CEP126: variants seen among roughly 807,000 people sequenced by gnomAD.
CEP126 encodes the protein centrosomal protein of 126 kDa.
A neutral mutation model predicts 107.8 loss-of-function variants in CEP126; 74 were observed. That is an observed-to-expected ratio of 0.69 (90% CI 0.57 to 0.83). CEP126 has a LOEUF of 0.83. Among genes scored for constraint, CEP126 ranks in the 40% least tolerant of loss-of-function variants. The pLI is 0.00. For missense variants in CEP126, 1,237 were observed against 1,281.9 expected (o/e 0.96, Z 0.53); for synonymous variants, 449 against 446.0 (o/e 1.01, Z -0.08).
At chr11:101,959,396 G>T (rs929082414) in intron 5 of CEP126, among the ~76,000 whole-genome samples, 4 of 151,916 alleles carry the variant, frequency 2.6e-5, no homozygotes, top group African/African-American at 9.7e-5. Context: ...CCCATGATCC[G>T]CCCGCCTCAG....
chr11:101,998,592 C>CAAAAAAAAAAAAAAAA lies in CEP126; in HGVS notation c.*952_*967dup, dbSNP rs10641795. 7.0e-5 allele frequency: 4 copies of CAAAAAAAAAAAAAAAA among 57,432 alleles called. No individual in the cohort carries two copies. The highest frequency in any genetic ancestry group is 8.4e-5 in the Non-Finnish European group (3 of 35,580). 3.6% of individuals were successfully genotyped at this position (57,432 alleles called of 1,614,324 possible). ...TGGGTGACAGTGTGAGACCCAGCCTCAAAAAAAAAAAAAAAAAAGTGATGA... is the reference window on the plus strand; with the variant it reads ...TGGGTGACAGTGTGAGACCCAGCCTCAAAAAAAAAAAAAAAAAAAAAAAAAAAAAAAAAAGTGATGA... On this transcript the variant is annotated 3_prime_UTR_variant, in exon 11 of 11. Transcript: ENST00000263468.
At chr11:101,955,719 A>G (rs1481883341) in intron 4 of CEP126, 1 of 364,818 alleles carries the variant, frequency 2.7e-6, no homozygotes, top group Admixed American at 3.7e-5. Context: ...AGGCAGCCCA[A>G]TAAACCAAAA....
At chr11:101,973,665 A>AT (rs1194491024) in intron 6 of CEP126, among the ~76,000 whole-genome samples, 1 of 152,092 alleles carries the variant, frequency 6.6e-6, no homozygotes, top group East Asian at 1.9e-4. Flanking sequence ...AAAACTTAAA[A>AT]TTTTTTTTAA....
At chr11:101,922,881 T>C (rs1565348741) in intron 2 of CEP126, 121 bp downstream of exon 2, 8 of 766,104 alleles carry the variant, frequency 1.0e-5, no homozygotes, top group Non-Finnish European at 1.6e-5. Flanking sequence ...GAAACATTGA[T>C]CAAGATTTGT....
chr11:101,963,817 G>C lies in CEP126; in HGVS notation c.2782G>C (p.Glu928Gln). ...YPSVTLRTAEEESVPLWKRGP... is the reference protein window; with the variant it reads ...YPSVTLRTAEQESVPLWKRGP... ...GTCTGTGACTCTAAGAACTGCTGAA[G>C]AAGAATCAGTTCCCTTATGGAAAAG... Residue 928 changes from glutamate (E) to glutamine (Q), a missense_variant, in exon 6 of 11, where the codon GAA becomes CAA. Glu to Gln is a conservative substitution (Grantham distance 29). This residue lies in a region of CEP126 where 1,134 missense variants were observed against 1,150.5 expected (regional missense o/e 0.99). Transcript: ENST00000263468. 1 of 1,614,142 alleles carries C rather than the reference G, an allele frequency of 6.2e-7. No homozygotes were observed. The highest frequency in any genetic ancestry group is 8.5e-7 in the Non-Finnish European group (1 of 1,180,008).
intron 1 of CEP126, chr11:101,916,527 CA>C (rs1441889095): frequency 3.3e-5 from 5 of 152,184 alleles, no homozygotes; most frequent in African/African-American, 1.2e-4. Context: ...CTCATCTATT[CA>C]TTATTAACCC....
In CEP126 at chr11:101,997,462, T is replaced by C. The variant is rs553882026; in HGVS notation, c.3310-137T>C. On this transcript the variant is annotated intron_variant, in intron 10 of 10. Coordinates refer to ENST00000263468, the MANE Select transcript of CEP126 (RefSeq NM_020802.4). The stretch of plus-strand genomic sequence containing the variant: ...GAGGTAAATAATCTATAAAGTCCTC[T>C]GCAATCTTAAACTCATTACCTGGGA... 19 of 1,341,002 alleles carry C rather than the reference T, an allele frequency of 1.4e-5. No homozygotes were observed. In the South Asian group the frequency reaches 2.4e-4, roughly 17 times the overall value. The allele number at this position is 1,341,002 out of a possible 1,614,324, so 83.1% of individuals were successfully genotyped here. A position where few individuals can be genotyped will look rare whatever the true frequency, so the allele number is the denominator to read the frequency against.
intron 10 of CEP126, among the ~76,000 whole-genome samples, chr11:101,993,280 A>T (rs867946264): frequency 7.9e-5 from 12 of 152,180 alleles, no homozygotes; most frequent in Middle Eastern, 3.4e-3. Flanking sequence ...CTCAATGTTT[A>T]GCTCCCACTT....
Position 101,974,413 on chromosome 11 carries a change from G to T in CEP126, c.2846-3934G>T, listed in dbSNP as rs530101599. On this transcript the variant is annotated intron_variant, in intron 6 of 10. Coordinates refer to ENST00000263468, the MANE Select transcript of CEP126 (RefSeq NM_020802.4). ...ATATTTGAAGGCTTATGACAAAGAA[G>T]AAGGAGTAAACAGAACTGAAATGAA... 1.1e-3 allele frequency among the ~76,000 whole-genome samples: 170 copies of T among 152,258 alleles called. 1 individual carries two copies. Among genetic ancestry groups the T allele is most frequent in the African/African-American group, 4.0e-3 (165 of 41,554 alleles).
At chr11:101,992,591 T>G (rs1941398039) in intron 9 of CEP126, among the ~76,000 whole-genome samples, 187 bp from the exon 10 acceptor site, 1 of 152,172 alleles carries the variant, frequency 6.6e-6, no homozygotes, top group African/African-American at 2.4e-5. Context: ...TTATTTCTAA[T>G]CAAATTACTT....
chr11:101,984,120 G>A (rs1028782965), intron 8 of CEP126, among the ~76,000 whole-genome samples: 4 of 152,160 alleles, frequency 2.6e-5, no homozygotes, highest in Non-Finnish European at 5.9e-5. Flanking sequence ...CCAGACTATC[G>A]TTAGGTAGAT....
chr11:101,990,816 G>A (rs1056418878), intron 9 of CEP126, among the ~76,000 whole-genome samples: 7 of 151,930 alleles, frequency 4.6e-5, no homozygotes, highest in Non-Finnish European at 8.8e-5. Flanking sequence ...CAGGGGGTGG[G>A]GGGACTCTCC....
At position 101,948,303 on chromosome 11, in the gene CEP126, T is replaced by A. The variant is rs572906605; in HGVS notation, c.506+161T>A. Among the ~76,000 whole-genome samples the A allele has an allele frequency of 3.9e-5, 6 of 152,292 alleles. 1 individual carries two copies. The South Asian group carries it at 1.2e-3, about 32-fold the overall frequency. On this transcript the variant is annotated intron_variant, in intron 4 of 10. Coordinates refer to ENST00000263468, the MANE Select transcript of CEP126 (RefSeq NM_020802.4). ...TTGAGGTAGAATAGAATGAAAATTG[T>A]TCCAAGAATAGGTCAGAATTCCAAT...
chr11:101,964,826 A>C (rs1235009582), intron 6 of CEP126, among the ~76,000 whole-genome samples: 1 of 152,222 alleles, frequency 6.6e-6, no homozygotes, highest in Non-Finnish European at 1.5e-5. Flanking sequence ...TTCTGTCATT[A>C]CTATTGTAGT....
intron 5 of CEP126, among the ~76,000 whole-genome samples, chr11:101,960,387 G>A (rs1940955600): frequency 6.6e-6 from 1 of 152,146 alleles, no homozygotes; most frequent in African/African-American, 2.4e-5. Context: ...ATCTTCTAAC[G>A]CAAATTTCTG....
In CEP126 at chr11:101,974,727, G is replaced by A. The variant is rs367600013; in HGVS notation, c.2846-3620G>A. On this transcript the variant is annotated intron_variant, in intron 6 of 10. Coordinates refer to ENST00000263468, the MANE Select transcript of CEP126 (RefSeq NM_020802.4). ...TAGGAATTTGGCCAGAGATACCAGT[G>A]CAAGCTACATTATTTTTGCAAAAAT... 2.1e-4 allele frequency among the ~76,000 whole-genome samples: 32 copies of A among 152,134 alleles called. No homozygotes were observed. In the East Asian group the frequency reaches 5.2e-3, roughly 25 times the overall value.
intron 2 of CEP126, among the ~76,000 whole-genome samples, chr11:101,925,959 A>ATACTATAT (rs1940402686): frequency 6.6e-6 from 1 of 151,338 alleles, no homozygotes; most frequent in Non-Finnish European, 1.5e-5. Flanking sequence ...CCAGCCATCC[A>ATACTATAT]TACTATATTA....
At chr11:101,919,095 A>G (rs1423837426) in intron 1 of CEP126, among the ~76,000 whole-genome samples, 2 of 152,194 alleles carry the variant, frequency 1.3e-5, no homozygotes, top group African/African-American at 2.4e-5. Context: ...GAGAACAACA[A>G]AGAGAAACAC....
At position 101,958,172 on chromosome 11, in the gene CEP126, A is replaced by G. The variant is rs74864262; in HGVS notation, c.511A>G (p.Ile171Val). 1.2e-3 allele frequency: 1,915 copies of G among 1,613,570 alleles called. 2 individuals carry two copies. Among genetic ancestry groups the G allele is most frequent in the Non-Finnish European group, 1.5e-3 (1,802 of 1,179,766 alleles). The change falls in exon 5 of 11, where the codon ATA becomes GTA. Residue 171 changes from isoleucine (I) to valine (V), a missense_variant. Ile to Val is a conservative substitution (Grantham distance 29, BLOSUM62 3). Coordinates refer to ENST00000263468, the MANE Select transcript of CEP126 (RefSeq NM_020802.4). Reference protein sequence around the residue: ...SRRPTINWRAIDSALPSALSK... With the variant: ...SRRPTINWRAVDSALPSALSK... ...CTTTTTATGTCTGGTTCACAGAGCT[A>G]TAGATTCTGCCTTGCCTTCCGCATT...
Sources: gnomAD v4.1 joint callset for allele counts (sites outside exome capture counted in the v4.1 genomes callset) on GRCh38, gnomAD v4.1.1 for gene constraint, gnomAD v4.1.1 regional missense constraint, MANE v1.5 for transcripts, NCBI Gene and HGNC (gene_info 2026-07-23, HGNC 2026-07-21) for gene names.